The following PXT1 variants were observed in gnomAD, a reference collection of about 807,000 sequenced individuals.
The protein encoded by PXT1 is peroxisomal testis-specific protein 1.
Under a neutral mutation model 11.0 loss-of-function variants are expected in PXT1, and 11 were observed. That is an observed-to-expected ratio of 1.00 (90% CI 0.63 to 1.66). The LOEUF is 1.66. PXT1 is among the 40% of genes most tolerant of loss of function. The pLI is 0.00. For synonymous variants in PXT1, 43 were observed against 51.4 expected, an observed-to-expected ratio of 0.84 and a Z score of 0.70; for missense variants, 141 against 155.5, an observed-to-expected ratio of 0.91 and a Z score of 0.49.
chr6:36,426,715 T>C (rs1230198722), intron 2 of PXT1, among the ~76,000 whole-genome samples: 4 of 152,060 alleles, frequency 2.6e-5, no homozygotes, highest in African/African-American at 9.7e-5. Flanking sequence ...AGTGTGTAAA[T>C]TGGTACACTG....
At chr6:36,432,034 G>A (rs1774700201) in intron 2 of PXT1, among the ~76,000 whole-genome samples, 1 of 152,062 alleles carries the variant, frequency 6.6e-6, no homozygotes, top group African/African-American at 2.4e-5. Context: ...TTGCGCCACT[G>A]CAATCCAGCC....
intron 3 of PXT1, among the ~76,000 whole-genome samples, chr6:36,418,247 TTTG>T (rs1244579721): frequency 6.6e-6 from 1 of 151,640 alleles, no homozygotes; most frequent in Non-Finnish European, 1.5e-5. Context: ...TACACATAGG[TTTG>T]TTGTTGTTGT....
intron 3 of PXT1, among the ~76,000 whole-genome samples, chr6:36,405,070 C>T (rs986163453): frequency 6.6e-6 from 1 of 152,136 alleles, no homozygotes; most frequent in African/African-American, 2.4e-5. Flanking sequence ...ATATTGCCCC[C>T]AAAGACCTTC....
chr6:36,431,241 T>C (rs1774687668), intron 2 of PXT1, among the ~76,000 whole-genome samples: 1 of 152,234 alleles, frequency 6.6e-6, no homozygotes, highest in African/African-American at 2.4e-5. Flanking sequence ...CTAGGAATGC[T>C]GAACTCTAAA....
chr6:36,399,602 A>G (rs914822539), intron 4 of PXT1, among the ~76,000 whole-genome samples: 16 of 152,212 alleles, frequency 1.1e-4, no homozygotes, highest in Non-Finnish European at 2.4e-4. Flanking sequence ...GGAGGACAGC[A>G]TGGTGGAAGC....
intron 3 of PXT1, among the ~76,000 whole-genome samples, 185 bp from the exon 4 acceptor site, chr6:36,400,769 A>G (rs1830577): frequency 0.86 from 131,639 of 152,218 alleles, 57,361 homozygotes; most frequent in African/African-American, 0.97. Context: ...AAGAGTTCAA[A>G]ACCAGCCTGG....
intron 3 of PXT1, among the ~76,000 whole-genome samples, chr6:36,409,931 A>G (rs1470539734): frequency 1.8e-5 from 2 of 113,492 alleles, no homozygotes; most frequent in Non-Finnish European, 3.6e-5. Flanking sequence ...GGAAGAAAGG[A>G]CGAAGGAAAG....
At chr6:36,400,387 C>G (rs1774196073) in intron 4 of PXT1, 67 bp downstream of exon 4, 2 of 1,572,428 alleles carry the variant, frequency 1.3e-6, no homozygotes, top group Non-Finnish European at 1.7e-6. Context: ...AGACACTTGG[C>G]AGCCGTAGTT....
intron 3 of PXT1, among the ~76,000 whole-genome samples, chr6:36,425,470 T>A (rs1365521927): frequency 6.6e-6 from 1 of 152,116 alleles, no homozygotes; most frequent in African/African-American, 2.4e-5. Context: ...TAGATTTTCT[T>A]ATAGTTCATA....
intron 2 of PXT1, among the ~76,000 whole-genome samples, chr6:36,435,225 G>T (rs1730631458): frequency 1.3e-5 from 2 of 152,250 alleles, no homozygotes; most frequent in South Asian, 4.1e-4. Flanking sequence ...GATTGCTTCA[G>T]CCCAGAAGTT....
At position 36,431,666 on chromosome 6, in the gene PXT1, C is replaced by T. The variant is rs897326677; in HGVS notation, c.-9-5575G>A. 6.6e-5 allele frequency among the ~76,000 whole-genome samples: 10 copies of T among 152,244 alleles called. No homozygotes were observed. In the East Asian group the frequency reaches 1.9e-3, roughly 29 times the overall value. On this transcript the variant is annotated intron_variant, in intron 2 of 4. Transcript: ENST00000454782. ...CCTGTGGTCCCAGCTACTCAGAAGG[C>T]TGAGGTGGAAGGATCACTTGAGTCT...
chr6:36,429,008 TG>T (rs1774649913), intron 2 of PXT1, among the ~76,000 whole-genome samples: 2 of 151,836 alleles, frequency 1.3e-5, no homozygotes, highest in Non-Finnish European at 2.9e-5. Context: ...GGCTTATGCC[TG>T]GAATCCCAGT....
At chr6:36,392,890 T>G (rs375126347) in intron 4 of PXT1, among the ~76,000 whole-genome samples, 1 of 152,070 alleles carries the variant, frequency 6.6e-6, no homozygotes. Context: ...TGCCCTCCGA[T>G]GGCACCACCT....
chr6:36,436,925 A>C (rs780188645), intron 2 of PXT1, among the ~76,000 whole-genome samples: 56 of 152,158 alleles, frequency 3.7e-4, no homozygotes, highest in Non-Finnish European at 6.3e-4. Context: ...AGGGTGTACT[A>C]GTCTCTAGGG....
rs115068231 is a variant in PXT1 at position 36,417,644 on chromosome 6, T to A, written c.169+8270A>T. 5.2e-3 allele frequency among the ~76,000 whole-genome samples: 766 copies of A among 148,290 alleles called. 6 individuals carry two copies. The highest frequency in any genetic ancestry group is 0.018 in the African/African-American group (711 of 40,294). Reference sequence around the variant, plus strand: ...TTAGCCGGGCGTGGTGGTGTACGCCTGCAGTCCTAGCTACTTGGGAGGCTG... The same window carrying A: ...TTAGCCGGGCGTGGTGGTGTACGCCAGCAGTCCTAGCTACTTGGGAGGCTG... On this transcript the variant is annotated intron_variant, in intron 3 of 4. Coordinates refer to ENST00000454782, the MANE Select transcript of PXT1 (RefSeq NM_152990.4).
intron 3 of PXT1, among the ~76,000 whole-genome samples, chr6:36,407,894 T>C (rs796924865): frequency 4.0e-5 from 6 of 151,874 alleles, no homozygotes; most frequent in South Asian, 2.1e-4. Context: ...CAAGAACAAA[T>C]AGCTGGGACT....
At chr6:36,402,988 C>T (rs1021216195) in intron 3 of PXT1, among the ~76,000 whole-genome samples, 1 of 150,598 alleles carries the variant, frequency 6.6e-6, no homozygotes, top group African/African-American at 2.4e-5. Context: ...CTCTGTCACC[C>T]AGCAATGGTG....
chr6:36,422,051 C>A (rs114901689), intron 3 of PXT1, among the ~76,000 whole-genome samples: 1,968 of 152,156 alleles, frequency 0.013, 42 homozygotes, highest in African/African-American at 0.045. Context: ...GTATATTTTT[C>A]TTATACAAAA....
intron 3 of PXT1, among the ~76,000 whole-genome samples, chr6:36,414,018 AT>A (rs1774413001): frequency 6.6e-6 from 1 of 152,226 alleles, no homozygotes; most frequent in South Asian, 2.1e-4. Flanking sequence ...AAAAATAAAA[AT>A]TAAAAATATG....
Sources: gnomAD v4.1 joint callset for allele counts (sites outside exome capture counted in the v4.1 genomes callset) on GRCh38, gnomAD v4.1.1 for gene constraint, MANE v1.5 for transcripts, NCBI Gene and HGNC (gene_info 2026-07-23, HGNC 2026-07-21) for gene names.